Variants in CACNA2D1 observed in about 807,000 individuals in gnomAD.
CACNA2D1 encodes calcium voltage-gated channel auxiliary subunit alpha2delta 1.
Under a neutral mutation model 171.5 loss-of-function variants are expected in CACNA2D1, and 53 were observed. That is an observed-to-expected ratio of 0.31 (90% CI 0.25 to 0.39). The LOEUF (loss-of-function observed/expected upper bound fraction) is 0.39, where lower values mean the gene tolerates loss of function less well. CACNA2D1 is among the 10% of genes least tolerant of loss of function. CACNA2D1 has a pLI of 1.00. For missense variants in CACNA2D1, 903 were observed against 1,299.8 expected (o/e 0.69, Z 4.69); for synonymous variants, 442 against 443.1 (o/e 1.00, Z 0.03).
At chr7:82,239,924 C>T (rs909803109) in intron 3 of CACNA2D1, among the ~76,000 whole-genome samples, 1 of 152,038 alleles carries the variant, frequency 6.6e-6, no homozygotes, top group Non-Finnish European at 1.5e-5. Flanking sequence ...GAGATCTCAG[C>T]TTATAAGAGT....
At chr7:82,101,770 T>A (rs913531534) in intron 6 of CACNA2D1, among the ~76,000 whole-genome samples, 4 of 152,170 alleles carry the variant, frequency 2.6e-5, no homozygotes, top group African/African-American at 9.6e-5. Flanking sequence ...TACCGCAATC[T>A]ACCAATTCAG....
rs1004888227 is a variant in CACNA2D1, at chr7:81,972,536, T to C, written c.2054-672A>G. Among the ~76,000 whole-genome samples, 6 of 151,842 alleles carry C rather than the reference T, an allele frequency of 4.0e-5. No homozygotes were observed. In the Admixed American group the frequency reaches 4.0e-4, roughly 10 times the overall value. Reference sequence around the variant, plus strand: ...CTACTGGTATTGGTCAAAGAACCAATACCTAAGTAGATAATAGGTTGTCAT... The same window carrying C: ...CTACTGGTATTGGTCAAAGAACCAACACCTAAGTAGATAATAGGTTGTCAT... On this transcript the variant is annotated intron_variant, in intron 25 of 38. Coordinates refer to ENST00000356860, the MANE Select transcript of CACNA2D1 (RefSeq NM_000722.4).
intron 6 of CACNA2D1, among the ~76,000 whole-genome samples, chr7:82,105,398 C>CTTTTTTTTTT (rs572031121): frequency 5.1e-4 from 51 of 99,458 alleles, no homozygotes; most frequent in Non-Finnish European, 6.2e-4. Flanking sequence ...CAGTTTTTGT[C>CTTTTTTTTTT]TTTTTTTTTT....
chr7:82,084,765 C>A lies in CACNA2D1; in HGVS notation c.658+4G>T. On this transcript the variant is annotated splice_donor_region_variant and intron_variant, in intron 7 of 38. Coordinates refer to ENST00000356860, the MANE Select transcript of CACNA2D1 (RefSeq NM_000722.4). ...TGACAATGATTGAATCACTAAGCACCTACCTGGATAATATCGAGCTAGGCC... is the reference window on the plus strand; with the variant it reads ...TGACAATGATTGAATCACTAAGCACATACCTGGATAATATCGAGCTAGGCC... 2.5e-6 allele frequency: 4 copies of A among 1,613,976 alleles called. No individual in the cohort carries two copies. Among genetic ancestry groups the A allele is most frequent in the Non-Finnish European group, 3.4e-6 (4 of 1,179,872 alleles).
intron 3 of CACNA2D1, among the ~76,000 whole-genome samples, chr7:82,291,361 T>C (rs1260997434): frequency 3.0e-5 from 4 of 132,308 alleles, no homozygotes; most frequent in African/African-American, 1.2e-4. Context: ...TATTTAGATA[T>C]ATAGATATCT....
chr7:82,033,889 G>C (rs886711907), intron 11 of CACNA2D1, among the ~76,000 whole-genome samples: 1 of 152,050 alleles, frequency 6.6e-6, no homozygotes, highest in Non-Finnish European at 1.5e-5. Context: ...ACTAATTTAT[G>C]AATGCTCAGC....
intron 3 of CACNA2D1, among the ~76,000 whole-genome samples, chr7:82,234,656 T>G (rs1803336515): frequency 6.6e-6 from 1 of 152,168 alleles, no homozygotes; most frequent in African/African-American, 2.4e-5. Context: ...CGTAGCTATC[T>G]TCTTTGAATT....
At chr7:81,966,804 T>C (rs1383083133) in intron 31 of CACNA2D1, among the ~76,000 whole-genome samples, 1 of 151,446 alleles carries the variant, frequency 6.6e-6, no homozygotes, top group Non-Finnish European at 1.5e-5. Context: ...GAAAGTGTGA[T>C]AGGTGAGAGA....
intron 6 of CACNA2D1, among the ~76,000 whole-genome samples, chr7:82,100,100 T>A (rs537920475): frequency 5.7e-4 from 87 of 151,962 alleles, no homozygotes; most frequent in Admixed American, 9.8e-4. Context: ...GAAAAAAAAA[T>A]TTAGTTCTGA....
At chr7:82,195,465 G>C (rs1035865307) in intron 3 of CACNA2D1, among the ~76,000 whole-genome samples, 2 of 151,766 alleles carry the variant, frequency 1.3e-5, no homozygotes, top group African/African-American at 4.8e-5. Flanking sequence ...GAAAGATGAG[G>C]GTAGTTAAAT....
intron 2 of CACNA2D1, among the ~76,000 whole-genome samples, chr7:82,341,109 C>A (rs1818576822): frequency 6.6e-6 from 1 of 151,846 alleles, no homozygotes; most frequent in African/African-American, 2.4e-5. Context: ...CTTGGGCTTT[C>A]GAACTACTTG....
chr7:82,120,121 G>T (rs1315076141), intron 5 of CACNA2D1, among the ~76,000 whole-genome samples: 3 of 152,130 alleles, frequency 2.0e-5, no homozygotes, highest in Non-Finnish European at 4.4e-5. Context: ...GTTTGAGGCT[G>T]CAATGAGCTA....
chr7:82,154,773 TAG>T (rs1162553328), intron 4 of CACNA2D1, among the ~76,000 whole-genome samples: 1 of 152,188 alleles, frequency 6.6e-6, no homozygotes, highest in Non-Finnish European at 1.5e-5. Context: ...TTGGTCTTTG[TAG>T]AGTCATTTCT....
intron 1 of CACNA2D1, among the ~76,000 whole-genome samples, chr7:82,368,087 G>A (rs192138706): frequency 2.2e-4 from 33 of 152,188 alleles, no homozygotes; most frequent in African/African-American, 7.2e-4. Flanking sequence ...TCTGTCCCCC[G>A]ACACCAGCTT....
rs897712038 is a variant in CACNA2D1 at position 81,950,315 on chromosome 7, C to T, written c.*77G>A. 5.0e-6 allele frequency: 8 copies of T among 1,611,864 alleles called. No homozygotes were observed. Among genetic ancestry groups the T allele is most frequent in the East Asian group, 4.5e-5 (2 of 44,840 alleles). On this transcript the variant is annotated 3_prime_UTR_variant, in exon 39 of 39. Transcript: ENST00000356860. Reference sequence around the variant, plus strand: ...TTGTCTGATTTTATAGCTGACCCTACGTTACTGTAATTGAGGGCAGGGCTC... The same window carrying T: ...TTGTCTGATTTTATAGCTGACCCTATGTTACTGTAATTGAGGGCAGGGCTC...
chr7:82,149,786 ACAAACAAC>A (rs1279529188), intron 4 of CACNA2D1, among the ~76,000 whole-genome samples: 52 of 142,432 alleles, frequency 3.7e-4, no homozygotes, highest in East Asian at 6.5e-4. Flanking sequence ...AAAAAAACAA[ACAAACAAC>A]AAAAAAAAAA....
In CACNA2D1 at chr7:82,443,634, G is replaced by C; in HGVS notation, c.-175C>G. On this transcript the variant is annotated 5_prime_UTR_variant, in exon 1 of 39. Transcript: ENST00000356860. Reference sequence around the variant, plus strand: ...CGCGGGGGACGGCAAGGGCGGGAGCGGACGCCGAGGAAGGGGCGGTGGCGG... The same window carrying C: ...CGCGGGGGACGGCAAGGGCGGGAGCCGACGCCGAGGAAGGGGCGGTGGCGG... 1 of 1,311,170 alleles carries C rather than the reference G, an allele frequency of 7.6e-7. No homozygotes were observed. Among genetic ancestry groups the C allele is most frequent in the Non-Finnish European group, 9.6e-7 (1 of 1,036,838 alleles). The allele number at this position is 1,311,170 out of a possible 1,614,324, so 81.2% of individuals were successfully genotyped here.
At chr7:82,142,255 C>T (rs1410560797) in intron 4 of CACNA2D1, among the ~76,000 whole-genome samples, 2 of 152,132 alleles carry the variant, frequency 1.3e-5, no homozygotes, top group African/African-American at 2.4e-5. Flanking sequence ...AACAAATTTG[C>T]CCAAATGGTC....
chr7:81,961,984 T>C lies in CACNA2D1; in HGVS notation c.2876A>G (p.Lys959Arg). 6.2e-7 allele frequency: 1 copy of C among 1,612,562 alleles called. No homozygotes were observed. Among genetic ancestry groups the C allele is most frequent in the South Asian group, 1.1e-5 (1 of 91,048 alleles). ...GGTTTGTTCAGTAATGCAGCTCTGC[T>C]TGGACAGGGAGGCCGTGAAGTCATC... ...EDDDFTASLS[K>R]QSCITEQTQY... Residue 959 changes from lysine to arginine, a missense_variant, in exon 36 of 39, where the codon AAG becomes AGG. By Grantham distance (26) the Lys-to-Arg change is conservative. This residue lies in a region of CACNA2D1 where 623 missense variants were observed against 925.5 expected (regional missense o/e 0.67). Transcript: ENST00000356860.
Sources: gnomAD v4.1 joint callset for allele counts (sites outside exome capture counted in the v4.1 genomes callset) on GRCh38, gnomAD v4.1.1 for gene constraint, gnomAD v4.1.1 regional missense constraint, MANE v1.5 for transcripts, NCBI Gene and HGNC (gene_info 2026-07-23, HGNC 2026-07-21) for gene names.